The following DYRK1A variants were observed in gnomAD, a reference collection of about 807,000 sequenced individuals.
The protein encoded by DYRK1A is dual specificity tyrosine phosphorylation regulated kinase 1A.
Under a neutral mutation model 79.7 loss-of-function variants are expected in DYRK1A, and 9 were observed. That is an observed-to-expected ratio of 0.11 (90% CI 0.07 to 0.20). The LOEUF (loss-of-function observed/expected upper bound fraction) is 0.20. Among genes scored for constraint, DYRK1A ranks in the 10% least tolerant of loss-of-function variants. DYRK1A has a pLI of 1.00. For synonymous variants in DYRK1A, 349 were observed against 329.7 expected, an observed-to-expected ratio of 1.06 and a Z score of -0.63; for missense variants, 622 against 956.0, an observed-to-expected ratio of 0.65 and a Z score of 4.61.
At chr21:37,373,638 A>G (rs2049478016) in intron 1 of DYRK1A, among the ~76,000 whole-genome samples, 1 of 152,242 alleles carries the variant, frequency 6.6e-6, no homozygotes, top group South Asian at 2.1e-4. Flanking sequence ...CACTACATCC[A>G]CAGTCCAGGA....
chr21:37,455,714 T>C (rs2051615012), intron 2 of DYRK1A, among the ~76,000 whole-genome samples: 2 of 152,162 alleles, frequency 1.3e-5, no homozygotes, highest in Non-Finnish European at 2.9e-5. Context: ...TAGATCTCTA[T>C]TTGTGGTTCC....
At chr21:37,497,202 C>G (rs531936220) in intron 9 of DYRK1A, among the ~76,000 whole-genome samples, 1 of 152,124 alleles carries the variant, frequency 6.6e-6, no homozygotes, top group Non-Finnish European at 1.5e-5. Flanking sequence ...GATGGTTGAT[C>G]GCCTTAATTC....
intron 2 of DYRK1A, among the ~76,000 whole-genome samples, chr21:37,436,274 G>C (rs1047498300): frequency 6.6e-6 from 1 of 152,166 alleles, no homozygotes; most frequent in Non-Finnish European, 1.5e-5. Flanking sequence ...GCATTTTAGG[G>C]TGAGGAATAG....
chr21:37,384,284 A>G (rs1028775829), intron 1 of DYRK1A, among the ~76,000 whole-genome samples: 4 of 152,180 alleles, frequency 2.6e-5, no homozygotes, highest in Middle Eastern at 3.2e-3. Flanking sequence ...GTTTGATTGT[A>G]CATGTATAAG....
intron 1 of DYRK1A, among the ~76,000 whole-genome samples, chr21:37,402,977 T>C (rs771123357): frequency 1.3e-5 from 2 of 152,132 alleles, no homozygotes; most frequent in Non-Finnish European, 2.9e-5. Context: ...TTGGACAGGC[T>C]GGTCTTGAAC....
intron 1 of DYRK1A, among the ~76,000 whole-genome samples, chr21:37,381,612 A>G (rs940737522): frequency 3.9e-5 from 6 of 152,152 alleles, no homozygotes; most frequent in Non-Finnish European, 7.4e-5. Flanking sequence ...TGGCATTTGT[A>G]GTAGCTTTCA....
chr21:37,412,347 G>T (rs2023975683), intron 1 of DYRK1A, among the ~76,000 whole-genome samples: 1 of 152,194 alleles, frequency 6.6e-6, no homozygotes, highest in South Asian at 2.1e-4. Context: ...ATGTGTAGCA[G>T]CTTTATGCAA....
At chr21:37,494,673 C>T (rs765664750) in intron 8 of DYRK1A, among the ~76,000 whole-genome samples, 28 of 152,010 alleles carry the variant, frequency 1.8e-4, no homozygotes, top group Non-Finnish European at 2.6e-4. Flanking sequence ...TAATGCCGGG[C>T]GCAGTGGCTC....
chr21:37,426,720 C>T (rs1454251400), intron 2 of DYRK1A, among the ~76,000 whole-genome samples: 2 of 148,778 alleles, frequency 1.3e-5, no homozygotes, highest in African/African-American at 5.0e-5. Context: ...ACCATCCTGG[C>T]TAACATGGTG....
chr21:37,443,384 C>T lies in DYRK1A; in HGVS notation c.10+23000C>T, dbSNP rs187916202. 1.6e-3 allele frequency among the ~76,000 whole-genome samples: 239 copies of T among 152,208 alleles called. 2 individuals are homozygous for T. Among genetic ancestry groups the T allele is most frequent in the African/African-American group, 5.3e-3 (220 of 41,510 alleles). ...TGATTGGTTTCCATTGATTGATTTC[C>T]CCCACCCGTATGGGTTGTGTCTTTC... On this transcript the variant is annotated intron_variant, in intron 2 of 11. Coordinates refer to ENST00000647188, the MANE Select transcript of DYRK1A (RefSeq NM_001347721.2).
intron 1 of DYRK1A, among the ~76,000 whole-genome samples, chr21:37,416,306 T>A (rs1043694250): frequency 2.0e-5 from 3 of 150,360 alleles, no homozygotes; most frequent in Admixed American, 6.6e-5. Flanking sequence ...TATAAAGTCT[T>A]GTGTTTTGGC....
chr21:37,463,213 T>TGTGTGTGTGTGTGTGTTTAATGTTGGCAC (rs2030936243), intron 2 of DYRK1A, among the ~76,000 whole-genome samples: 1 of 142,066 alleles, frequency 7.0e-6, no homozygotes, highest in East Asian at 2.3e-4. Flanking sequence ...CGTGTGTGTG[T>TGTGTGTGTGTGTGTGTTTAATGTTGGCAC]GTGTGTGTGT....
intron 1 of DYRK1A, among the ~76,000 whole-genome samples, chr21:37,381,223 ATGTT>A (rs1402806572): frequency 1.3e-5 from 2 of 152,206 alleles, no homozygotes; most frequent in African/African-American, 4.8e-5. Context: ...CAGTAGGAAG[ATGTT>A]TGTTGGACTA....
intron 1 of DYRK1A, among the ~76,000 whole-genome samples, chr21:37,407,731 T>C (rs2050173989): frequency 6.6e-6 from 1 of 152,212 alleles, no homozygotes; most frequent in Non-Finnish European, 1.5e-5. Context: ...TATGAAAAAG[T>C]ATGAAGATAA....
At chr21:37,409,619 G>T (rs1266472225) in intron 1 of DYRK1A, among the ~76,000 whole-genome samples, 1 of 151,986 alleles carries the variant, frequency 6.6e-6, no homozygotes, top group African/African-American at 2.4e-5. Flanking sequence ...GAATTTCTTG[G>T]ACCATTTTTT....
intron 11 of DYRK1A, among the ~76,000 whole-genome samples, chr21:37,510,392 C>G (rs897821197): frequency 6.6e-6 from 1 of 152,144 alleles, no homozygotes; most frequent in Non-Finnish European, 1.5e-5. Context: ...TGAATAAACC[C>G]TTAACAATTT....
At chr21:37,390,241 C>T (rs1014183698) in intron 1 of DYRK1A, among the ~76,000 whole-genome samples, 8 of 152,082 alleles carry the variant, frequency 5.3e-5, no homozygotes, top group South Asian at 2.1e-4. Flanking sequence ...GGGTTTGGGC[C>T]GCAATTTTGG....
chr21:37,373,163 TC>T (rs1569274177), intron 1 of DYRK1A, among the ~76,000 whole-genome samples: 107 of 152,186 alleles, frequency 7.0e-4, no homozygotes, highest in African/African-American at 2.5e-3. Flanking sequence ...CAAAACAGCT[TC>T]TCCTCGCTTC....
At chr21:37,458,786 G>A (rs2051744271) in intron 2 of DYRK1A, among the ~76,000 whole-genome samples, 2 of 152,328 alleles carry the variant, frequency 1.3e-5, no homozygotes, top group African/African-American at 4.8e-5. Context: ...TAGAGAGCAG[G>A]CCGAGGTCCA....
Sources: allele counts gnomAD v4.1 joint callset (sites outside exome capture counted in the v4.1 genomes callset), GRCh38; gene constraint gnomAD v4.1.1; transcripts MANE v1.5; gene names NCBI Gene and HGNC (gene_info 2026-07-23, HGNC 2026-07-21).